Variants in RBM27 observed in about 807,000 individuals in gnomAD.
RBM27 encodes the protein RNA binding motif protein 27, also known as RNA-binding protein 27.
RBM27 carries 22 observed loss-of-function variants against 135.3 expected under a neutral mutation model. That is an observed-to-expected ratio of 0.16 (90% CI 0.12 to 0.23). RBM27 has a LOEUF of 0.23. Ranked by LOEUF, RBM27 falls within the 10% of genes least tolerant of loss-of-function variation. RBM27 has a pLI of 1.00. For synonymous variants in RBM27, 481 were observed against 442.4 expected (o/e 1.09, Z -1.10); for missense variants, 1,009 against 1,281.0 (o/e 0.79, Z 3.24).
chr5:146,240,873 A>C (rs933695559), intron 8 of RBM27, among the ~76,000 whole-genome samples: 2 of 152,062 alleles, frequency 1.3e-5, no homozygotes, highest in African/African-American at 2.4e-5. Flanking sequence ...TCATTTTTTA[A>C]TTATGGGAAA....
intron 1 of RBM27, among the ~76,000 whole-genome samples, chr5:146,204,857 G>T (rs1480232932): frequency 6.6e-6 from 1 of 152,070 alleles, no homozygotes; most frequent in Admixed American, 6.6e-5. Flanking sequence ...AAATGTTATT[G>T]GGAGGCTTGA....
At chr5:146,212,593 A>G (rs1036810665) in intron 1 of RBM27, among the ~76,000 whole-genome samples, 1 of 151,962 alleles carries the variant, frequency 6.6e-6, no homozygotes, top group Non-Finnish European at 1.5e-5. Flanking sequence ...AGCTGAAGCA[A>G]TCCTCCCACC....
rs375865626 is a variant in RBM27 at position 146,271,558 on chromosome 5, C to T, written c.2872C>T (p.Arg958Cys). Residue 958 changes from arginine (R) to cysteine (C), a missense_variant, in exon 19 of 21, where the codon CGT becomes TGT. Around this residue, in one of 6 missense-constraint regions of RBM27, gnomAD observed 355 missense variants for 427.3 expected, o/e 0.83. Coordinates refer to ENST00000265271, the MANE Select transcript of RBM27 (RefSeq NM_018989.2). ...TCAAGGTCGAGGAAGAGGCCGAGGG[C>T]GTGGAGGAAGAGGAAGGGGCTCACT... Reference protein sequence around the residue: ...SSQGRGRGRGRGGRGRGSLNH... With the variant: ...SSQGRGRGRGCGGRGRGSLNH... The T allele has an allele frequency of 2.9e-5, 47 of 1,613,276 alleles. No homozygotes were observed. Among genetic ancestry groups the T allele is most frequent in the South Asian group, 2.9e-4 (26 of 91,060 alleles).
chr5:146,229,068 T>A, intron 4 of RBM27, 31 bp downstream of exon 4: 1 of 1,568,812 alleles, frequency 6.4e-7, no homozygotes, highest in East Asian at 2.2e-5. Context: ...AGGAAGACAT[T>A]GATAACTCAC....
intron 9 of RBM27, among the ~76,000 whole-genome samples, chr5:146,252,994 T>G (rs1054818604): frequency 3.3e-5 from 5 of 152,164 alleles, no homozygotes; most frequent in African/African-American, 4.8e-5. Flanking sequence ...TATTTATTTA[T>G]TTATTTATTT....
chr5:146,283,756 T>C (rs1759465787), intron 19 of RBM27, among the ~76,000 whole-genome samples: 2 of 152,166 alleles, frequency 1.3e-5, no homozygotes, highest in Non-Finnish European at 2.9e-5. Flanking sequence ...CATGCTATGC[T>C]CCAAGTGTTT....
At chr5:146,266,021 A>C (rs1347642654) in intron 14 of RBM27, among the ~76,000 whole-genome samples, 1 of 152,226 alleles carries the variant, frequency 6.6e-6, no homozygotes, top group East Asian at 1.9e-4. Flanking sequence ...CCAGTCATTG[A>C]GCATCCCTAG....
At chr5:146,221,113 C>T (rs1303272414) in intron 2 of RBM27, among the ~76,000 whole-genome samples, 9 of 144,472 alleles carry the variant, frequency 6.2e-5, no homozygotes, top group Non-Finnish European at 9.0e-5. Context: ...CCCAGCTACT[C>T]GGCAGGCCTG....
chr5:146,263,419 A>C, intron 13 of RBM27, 72 bp from the exon 14 acceptor site: 3 of 1,439,404 alleles, frequency 2.1e-6, no homozygotes, highest in Non-Finnish European at 2.9e-6. Flanking sequence ...TAGAGTAATC[A>C]TCTTAAATTT....
At chr5:146,207,255 C>T (rs900079547) in intron 1 of RBM27, among the ~76,000 whole-genome samples, 5 of 152,086 alleles carry the variant, frequency 3.3e-5, no homozygotes, top group Admixed American at 1.3e-4. Flanking sequence ...TGGAATCTCT[C>T]ACTGTTGCCC....
chr5:146,239,714 G>T (rs1415003295), intron 8 of RBM27, among the ~76,000 whole-genome samples: 3 of 150,568 alleles, frequency 2.0e-5, no homozygotes, highest in African/African-American at 4.9e-5. Flanking sequence ...GGCCTTAAGT[G>T]ATCTGGCTGC....
intron 9 of RBM27, among the ~76,000 whole-genome samples, chr5:146,252,301 G>A (rs1378679875): frequency 6.6e-6 from 1 of 152,126 alleles, no homozygotes; most frequent in African/African-American, 2.4e-5. Flanking sequence ...CCTTGTATGT[G>A]TGCATAATGT....
rs1318366493 is a variant in RBM27, at chr5:146,260,827, C to T, written c.1822C>T (p.Pro608Ser). The T allele has an allele frequency of 6.2e-7, 1 of 1,613,404 alleles. No homozygotes were observed. Among genetic ancestry groups the T allele is most frequent in the Admixed American group, 1.7e-5 (1 of 59,896 alleles). The change falls in exon 12 of 21, where the codon CCT becomes TCT. Residue 608 changes from proline (P) to serine (S), a missense_variant. Physicochemically the swap from Pro to Ser is moderately conservative, Grantham distance 74 (BLOSUM62 -1). Transcript: ENST00000265271. ...TNTKLEVKKIPQELNNITKLN... is the reference protein window; with the variant it reads ...TNTKLEVKKISQELNNITKLN... Reference sequence around the variant, plus strand: ...CACCAAATTAGAAGTCAAGAAAATCCCTCAGGAATTGAACAACATTACCAA... The same window carrying T: ...CACCAAATTAGAAGTCAAGAAAATCTCTCAGGAATTGAACAACATTACCAA...
intron 3 of RBM27, among the ~76,000 whole-genome samples, chr5:146,226,439 T>G (rs1227413799): frequency 6.6e-6 from 1 of 152,084 alleles, no homozygotes; most frequent in African/African-American, 2.4e-5. Context: ...AGTGCAATGG[T>G]GTAGTCTCAG....
At chr5:146,205,161 G>A (rs1403530957) in intron 1 of RBM27, among the ~76,000 whole-genome samples, 1 of 152,272 alleles carries the variant, frequency 6.6e-6, no homozygotes, top group Non-Finnish European at 1.5e-5. Context: ...GCCTCCCAAA[G>A]TGCTGGGATT....
chr5:146,248,888 G>A (rs1757753635), intron 8 of RBM27, among the ~76,000 whole-genome samples: 1 of 152,148 alleles, frequency 6.6e-6, no homozygotes, highest in African/African-American at 2.4e-5. Flanking sequence ...AGTATACTTA[G>A]TACATCAAGT....
chr5:146,265,984 T>C (rs1758598310), intron 14 of RBM27, among the ~76,000 whole-genome samples: 1 of 152,192 alleles, frequency 6.6e-6, no homozygotes, highest in Non-Finnish European at 1.5e-5. Flanking sequence ...TTCTATTCAC[T>C]GAAAAGGTCT....
At chr5:146,228,252 G>A (rs889762513) in intron 3 of RBM27, among the ~76,000 whole-genome samples, 6 of 133,492 alleles carry the variant, frequency 4.5e-5, no homozygotes, top group Non-Finnish European at 6.5e-5. Context: ...AGATGGACAT[G>A]TTTCATAATT....
chr5:146,269,696 A>T, intron 17 of RBM27, 112 bp downstream of exon 17: 1 of 495,634 alleles, frequency 2.0e-6, no homozygotes, highest in Non-Finnish European at 3.2e-6. Context: ...ACAGGGATAT[A>T]GGCAAACAAT....
Sources: allele counts gnomAD v4.1 joint callset (sites outside exome capture counted in the v4.1 genomes callset), GRCh38; gene constraint gnomAD v4.1.1; regional missense constraint gnomAD v4.1.1; transcripts MANE v1.5; gene names NCBI Gene and HGNC (gene_info 2026-07-23, HGNC 2026-07-21).